The following ASTN2 variants were observed in gnomAD, a reference collection of about 807,000 sequenced individuals.
ASTN2 encodes the protein astrotactin-2.
A neutral mutation model predicts 139.8 loss-of-function variants in ASTN2; 54 were observed. The observed-to-expected ratio is 0.39, with a 90% CI of 0.31 to 0.48. The LOEUF (loss-of-function observed/expected upper bound fraction) is 0.48, where lower values mean the gene tolerates loss of function less well. Among genes scored for constraint, ASTN2 ranks in the 20% least tolerant of loss-of-function variants. ASTN2 has a pLI of 0.95. For missense variants in ASTN2, 1,565 were observed against 1,725.1 expected, an observed-to-expected ratio of 0.91 and a Z score of 1.64; for synonymous variants, 756 against 719.5, an observed-to-expected ratio of 1.05 and a Z score of -0.81.
chr9:116,635,299 T>G (rs778075975), intron 17 of ASTN2, among the ~76,000 whole-genome samples: 3 of 152,172 alleles, frequency 2.0e-5, no homozygotes, highest in Non-Finnish European at 2.9e-5. Context: ...ATGTACAATG[T>G]CATCCAACAG....
At chr9:116,544,877 G>A (rs918863559) in intron 19 of ASTN2, among the ~76,000 whole-genome samples, 6 of 152,148 alleles carry the variant, frequency 3.9e-5, no homozygotes, top group African/African-American at 1.4e-4. Flanking sequence ...GGCCTCATAG[G>A]GATTCCCCCT....
chr9:117,043,175 T>C (rs1382678703), intron 5 of ASTN2, among the ~76,000 whole-genome samples: 4 of 152,068 alleles, frequency 2.6e-5, no homozygotes, highest in Admixed American at 6.5e-5. Flanking sequence ...CTGGCCAGCA[T>C]TGAGTTTTTT....
At chr9:116,467,093 G>A (rs1332021423) in intron 20 of ASTN2, among the ~76,000 whole-genome samples, 1 of 152,106 alleles carries the variant, frequency 6.6e-6, no homozygotes, top group Non-Finnish European at 1.5e-5. Context: ...AGGATTGATA[G>A]GGGTGCTGGA....
chr9:116,713,646 A>G (rs531672001), intron 16 of ASTN2, among the ~76,000 whole-genome samples: 2 of 152,348 alleles, frequency 1.3e-5, no homozygotes, highest in African/African-American at 4.8e-5. Context: ...AAGTAATAGT[A>G]AAATGTAAAT....
intron 10 of ASTN2, among the ~76,000 whole-genome samples, chr9:116,888,862 C>T (rs565508020): frequency 6.6e-6 from 1 of 152,072 alleles, no homozygotes; most frequent in Non-Finnish European, 1.5e-5. Context: ...CCCCACAATC[C>T]CCCCTCAAGG....
chr9:116,518,299 G>A (rs1339643074), intron 19 of ASTN2, among the ~76,000 whole-genome samples: 2 of 152,134 alleles, frequency 1.3e-5, no homozygotes, highest in Non-Finnish European at 2.9e-5. Context: ...ATCAGATTAA[G>A]AGCATATTTC....
intron 1 of ASTN2, among the ~76,000 whole-genome samples, chr9:117,391,613 C>T (rs952311492): frequency 2.6e-5 from 4 of 152,098 alleles, no homozygotes; most frequent in African/African-American, 7.2e-5. Flanking sequence ...GGTGGGGACA[C>T]AGAGCCAAAC....
intron 16 of ASTN2, among the ~76,000 whole-genome samples, chr9:116,718,457 C>T (rs1346603359): frequency 3.9e-5 from 6 of 152,144 alleles, no homozygotes; most frequent in African/African-American, 1.4e-4. Flanking sequence ...ATGATGGGAT[C>T]TCTATTTTAG....
intron 16 of ASTN2, chr9:116,687,365 G>C: frequency 1.7e-6 from 1 of 593,680 alleles, no homozygotes; most frequent in Non-Finnish European, 2.1e-6. Context: ...GGACTCGTCG[G>C]AGCCGCGGGC....
chr9:117,337,734 T>G (rs1246038941), intron 1 of ASTN2, among the ~76,000 whole-genome samples: 1 of 152,144 alleles, frequency 6.6e-6, no homozygotes, highest in Non-Finnish European at 1.5e-5. Flanking sequence ...AATAACCAAC[T>G]AGTAGACACT....
chr9:116,892,939 C>A (rs767307535), intron 10 of ASTN2, among the ~76,000 whole-genome samples: 5 of 152,146 alleles, frequency 3.3e-5, no homozygotes, highest in Non-Finnish European at 5.9e-5. Flanking sequence ...TCAAATTCAA[C>A]TGGGTACTCA....
chr9:116,533,903 T>C (rs1015637683), intron 19 of ASTN2, among the ~76,000 whole-genome samples: 3 of 152,240 alleles, frequency 2.0e-5, no homozygotes, highest in African/African-American at 7.2e-5. Flanking sequence ...AGTCCCTCTT[T>C]TCCTACTGAT....
At chr9:117,268,131 G>A (rs2133119752) in intron 2 of ASTN2, among the ~76,000 whole-genome samples, 1 of 152,258 alleles carries the variant, frequency 6.6e-6, no homozygotes, top group South Asian at 2.1e-4. Context: ...AATTAACTGA[G>A]AATGACTTAA....
intron 2 of ASTN2, 86 bp from the exon 3 acceptor site, chr9:117,214,828 G>T: frequency 7.6e-7 from 1 of 1,315,488 alleles, no homozygotes; most frequent in Non-Finnish European, 9.7e-7. Context: ...ACTACACTCT[G>T]CCAGGATCCC....
At chr9:117,155,490 AAG>A (rs1429609328) in intron 3 of ASTN2, among the ~76,000 whole-genome samples, 1 of 148,320 alleles carries the variant, frequency 6.7e-6, no homozygotes, top group Non-Finnish European at 1.5e-5. Flanking sequence ...GATAAAAAGA[AAG>A]AGACAGAGAG....
At chr9:116,509,581 C>T (rs969213909) in intron 19 of ASTN2, among the ~76,000 whole-genome samples, 5 of 152,160 alleles carry the variant, frequency 3.3e-5, no homozygotes, top group Admixed American at 6.5e-5. Context: ...GAGGAATCAC[C>T]ACACTGTCTT....
chr9:116,699,250 G>A lies in ASTN2; in HGVS notation c.2806+26521C>T. On this transcript the variant is annotated intron_variant, in intron 16 of 22. Coordinates refer to ENST00000313400, the MANE Select transcript of ASTN2 (RefSeq NM_001365068.1). This position sits in a 1 kb window ranked among gnomAD's most constrained non-coding sequence, Gnocchi z 4.2. ...TGTTTCACAGTTGATCGAGGATCAGGGGTGGTCAAATACAGCTGCCTATGT... is the reference window on the plus strand; with the variant it reads ...TGTTTCACAGTTGATCGAGGATCAGAGGTGGTCAAATACAGCTGCCTATGT... 6.2e-7 allele frequency: 1 copy of A among 1,614,232 alleles called. No homozygotes were observed. The highest frequency in any genetic ancestry group is 8.5e-7 in the Non-Finnish European group (1 of 1,180,052).
At chr9:116,938,519 G>A (rs926798257) in intron 10 of ASTN2, among the ~76,000 whole-genome samples, 1 of 152,156 alleles carries the variant, frequency 6.6e-6, no homozygotes, top group African/African-American at 2.4e-5. Context: ...GCTGCTGGCA[G>A]TTTCACAGGC....
intron 6 of ASTN2, among the ~76,000 whole-genome samples, chr9:117,016,653 T>TTTTAC (rs1266319716): frequency 9.6e-6 from 1 of 103,826 alleles, no homozygotes; most frequent in Non-Finnish European, 1.9e-5. Flanking sequence ...TATATATATA[T>TTTTAC]ATAACCTATA....
Sources: gnomAD v4.1 joint callset for allele counts (sites outside exome capture counted in the v4.1 genomes callset) on GRCh38, gnomAD v4.1.1 for gene constraint, Gnocchi (gnomAD v3.1) non-coding constraint, MANE v1.5 for transcripts, NCBI Gene and HGNC (gene_info 2026-07-23, HGNC 2026-07-21) for gene names.